Variants in TANC2 observed in about 807,000 individuals in gnomAD.
The protein encoded by TANC2 is protein TANC2.
TANC2 carries 26 observed loss-of-function variants against 210.5 expected under a neutral mutation model. That is an observed-to-expected ratio of 0.12 (90% CI 0.09 to 0.17). The LOEUF (loss-of-function observed/expected upper bound fraction) is 0.17, where lower values mean the gene tolerates loss of function less well. Among genes scored for constraint, TANC2 ranks in the 10% least tolerant of loss-of-function variants. TANC2 has a pLI of 1.00. For missense variants in TANC2, 2,129 were observed against 2,608.9 expected, an observed-to-expected ratio of 0.82 and a Z score of 4.01; for synonymous variants, 931 against 967.1, an observed-to-expected ratio of 0.96 and a Z score of 0.69.
intron 4 of TANC2, among the ~76,000 whole-genome samples, chr17:63,136,605 GTC>G (rs2039097946): frequency 6.6e-6 from 1 of 152,168 alleles, no homozygotes; most frequent in Non-Finnish European, 1.5e-5. Context: ...TCTACCTTTT[GTC>G]AGCCACAGTC....
intron 1 of TANC2, among the ~76,000 whole-genome samples, chr17:62,976,381 T>G (rs1274356937): frequency 6.6e-6 from 1 of 151,972 alleles, no homozygotes; most frequent in East Asian, 1.9e-4. Flanking sequence ...GGTTGACAGC[T>G]TTTTGTAATC....
At chr17:63,145,309 A>G (rs562822601) in intron 4 of TANC2, among the ~76,000 whole-genome samples, 4 of 152,010 alleles carry the variant, frequency 2.6e-5, no homozygotes, top group Non-Finnish European at 5.9e-5. Context: ...CTCTCCTTCT[A>G]CCCTTCTTTC....
intron 5 of TANC2, among the ~76,000 whole-genome samples, chr17:63,187,554 T>C (rs2041034395): frequency 7.3e-6 from 1 of 137,558 alleles, no homozygotes; most frequent in Non-Finnish European, 1.6e-5. Flanking sequence ...ATGTTTTTTA[T>C]ATATATATAT....
intron 7 of TANC2, among the ~76,000 whole-genome samples, chr17:63,215,195 G>T (rs1375357896): frequency 6.6e-6 from 1 of 152,178 alleles, no homozygotes; most frequent in Non-Finnish European, 1.5e-5. Context: ...ACTTCAAAAT[G>T]AGAGAAATCC....
intron 1 of TANC2, among the ~76,000 whole-genome samples, chr17:62,995,877 T>C (rs1239593134): frequency 6.6e-6 from 1 of 152,216 alleles, no homozygotes; most frequent in Non-Finnish European, 1.5e-5. Flanking sequence ...AAGGATCCTT[T>C]GAGCCAGGAG....
intron 3 of TANC2, among the ~76,000 whole-genome samples, chr17:63,098,475 C>CAT (rs1308067654): frequency 1.2e-4 from 4 of 34,580 alleles, no homozygotes; most frequent in East Asian, 2.8e-4. Context: ...CACACACACA[C>CAT]ACACATACAC....
chr17:62,973,740 A>G (rs1406018423), intron 1 of TANC2, among the ~76,000 whole-genome samples: 1 of 152,228 alleles, frequency 6.6e-6, no homozygotes, highest in African/African-American at 2.4e-5. Context: ...GAGTTGCCAA[A>G]CTATAGCCCA....
At chr17:63,359,006 GTA>G (rs2046872590) in intron 14 of TANC2, among the ~76,000 whole-genome samples, 1 of 151,274 alleles carries the variant, frequency 6.6e-6, no homozygotes, top group South Asian at 2.1e-4. Flanking sequence ...GTGTGTGTGT[GTA>G]AGATTTTGCC....
At chr17:63,314,429 C>G (rs565290187) in exon 10 of TANC2, 3 of 1,613,940 alleles carry the variant, frequency 1.9e-6, no homozygotes, top group African/African-American at 2.7e-5. Context: ...CTCCTTGAAG[C>G]CTCTGCTCTT....
At chr17:63,282,620 A>C (rs909980175) in intron 9 of TANC2, among the ~76,000 whole-genome samples, 1 of 152,090 alleles carries the variant, frequency 6.6e-6, no homozygotes, top group Non-Finnish European at 1.5e-5. Context: ...ATGATATTCA[A>C]AGTGGTTGTA....
chr17:62,987,719 C>G (rs918066864), intron 1 of TANC2, among the ~76,000 whole-genome samples: 1 of 152,186 alleles, frequency 6.6e-6, no homozygotes, highest in Non-Finnish European at 1.5e-5. Flanking sequence ...TCACACCCTA[C>G]TGTACCCCAG....
intron 7 of TANC2, among the ~76,000 whole-genome samples, chr17:63,216,157 T>C (rs553607357): frequency 6.6e-6 from 1 of 152,344 alleles, no homozygotes; most frequent in South Asian, 2.1e-4. Context: ...TAAGTGATTC[T>C]CATGCCTCAG....
intron 11 of TANC2, among the ~76,000 whole-genome samples, chr17:63,322,269 C>A (rs1306209803): frequency 2.0e-5 from 3 of 152,128 alleles, no homozygotes; most frequent in African/African-American, 7.2e-5. Context: ...GAGGCCGAGG[C>A]GGGCGGACCA....
intron 2 of TANC2, among the ~76,000 whole-genome samples, chr17:63,047,164 A>G (rs1166370860): frequency 6.6e-6 from 1 of 152,208 alleles, no homozygotes; most frequent in Non-Finnish European, 1.5e-5. Flanking sequence ...GTTGTTTTTC[A>G]GGTGTCTGCT....
At chr17:63,201,533 A>G (rs1008361419) in intron 7 of TANC2, among the ~76,000 whole-genome samples, 6 of 152,084 alleles carry the variant, frequency 3.9e-5, no homozygotes, top group African/African-American at 1.4e-4. Flanking sequence ...TTTTTATGGC[A>G]AGCTTGGGCA....
intron 2 of TANC2, among the ~76,000 whole-genome samples, chr17:63,058,779 ATG>A (rs2144504726): frequency 6.6e-6 from 1 of 152,024 alleles, no homozygotes; most frequent in African/African-American, 2.4e-5. Flanking sequence ...CTATTGGTCT[ATG>A]TGTCTGTTTT....
Position 63,415,729 on chromosome 17 carries a change from G to GTCAC in TANC2, c.4167+61_4167+64dup. 5 of 1,580,808 alleles carry GTCAC rather than the reference G, an allele frequency of 3.2e-6. No homozygotes were observed. The South Asian group carries it at 4.6e-5, about 15-fold the overall frequency. ...GCAATCCTGGTAGCTGATAGCCTGT[G>GTCAC]TCACTCACTAGCTTTTACCAGGCCC... On this transcript the variant is annotated intron_variant, in intron 26 of 27. Coordinates refer to ENST00000689528, the Ensembl canonical transcript of TANC2.
At chr17:63,196,765 A>G (rs973939548) in intron 6 of TANC2, among the ~76,000 whole-genome samples, 5 of 152,190 alleles carry the variant, frequency 3.3e-5, no homozygotes, top group Non-Finnish European at 7.4e-5. Flanking sequence ...AATAACTGAC[A>G]TTTATTAAAT....
intron 9 of TANC2, among the ~76,000 whole-genome samples, chr17:63,279,110 A>G (rs970438274): frequency 6.6e-5 from 10 of 152,140 alleles, no homozygotes; most frequent in Admixed American, 4.6e-4. Context: ...CTCTCCCCCT[A>G]TGGAAGAACA....
Sources: allele counts gnomAD v4.1 joint callset (sites outside exome capture counted in the v4.1 genomes callset), GRCh38; gene constraint gnomAD v4.1.1; transcripts MANE v1.5; gene names NCBI Gene and HGNC (gene_info 2026-07-23, HGNC 2026-07-21).